The following C5AR1 variants were observed in gnomAD, a reference collection of about 807,000 sequenced individuals.
C5AR1 encodes the protein complement C5a receptor 1, also known as C5a anaphylatoxin chemotactic receptor 1.
In C5AR1, 4 loss-of-function variants were observed where a neutral mutation model predicts 2.4. That is an observed-to-expected ratio of 1.65 (90% CI 0.81 to 3.77). C5AR1 has a LOEUF of 3.77. Ranked by LOEUF, C5AR1 falls within the 30% of genes most tolerant of loss-of-function variation. The pLI is 0.01. For synonymous variants in C5AR1, 209 were observed against 210.4 expected (o/e 0.99, Z 0.06); for missense variants, 418 against 462.5 (o/e 0.90, Z 0.88).
At chr19:47,311,344 T>C in intron 1 of C5AR1, among the ~76,000 whole-genome samples, 1 of 151,892 alleles carries the variant, frequency 6.6e-6, no homozygotes, top group East Asian at 2.0e-4. Context: ...ACTCCGTCTC[T>C]ACCAAAACTA....
At chr19:47,316,585 T>C (rs970153427) in intron 1 of C5AR1, 7 of 151,996 alleles carry the variant, frequency 4.6e-5, no homozygotes, top group Admixed American at 3.9e-4. Flanking sequence ...GGATTACAGG[T>C]GCGCGCCAAC....
upstream of C5AR1, among the ~76,000 whole-genome samples, chr19:47,307,941 G>A (rs113750551): frequency 0.013 from 2,052 of 152,016 alleles, 46 homozygotes; most frequent in African/African-American, 0.047. Context: ...CAGGCCGGGC[G>A]CAGTGGCTCA....
At chr19:47,316,470 G>C (rs2059289004) in intron 1 of C5AR1, 1 of 148,120 alleles carries the variant, frequency 6.8e-6, no homozygotes, top group Admixed American at 6.7e-5. Context: ...TTGAGACAGA[G>C]TCTTGCTCAG....
intron 1 of C5AR1, among the ~76,000 whole-genome samples, chr19:47,312,168 C>G (rs918162993): frequency 6.6e-5 from 10 of 152,136 alleles, no homozygotes. Context: ...TCACTGTAAC[C>G]TCCACCTCCT....
Position 47,320,525 on chromosome 19 carries a change from A to G in C5AR1, c.748A>G (p.Ser250Gly). Reference sequence around the variant, plus strand: ...CAAGGTGGTGGTGGCAGTGGTGGCCAGTTTCTTTATCTTCTGGTTGCCCTA... The same window carrying G: ...CAAGGTGGTGGTGGCAGTGGTGGCCGGTTTCTTTATCTTCTGGTTGCCCTA... ...TLKVVVAVVA[S>G]FFIFWLPYQV... is the part of the protein sequence containing the mutation. The change falls in exon 2 of 2, where the codon AGT (serine) becomes GGT (glycine). Residue 250 changes from serine to glycine, a missense_variant. Ser to Gly is a moderately conservative substitution (Grantham distance 56). Transcript: ENST00000355085. The surrounding 1 kb of genome is among the most constrained non-coding windows in gnomAD (Gnocchi z 4.9). 1 of 1,613,834 alleles carries G rather than the reference A, an allele frequency of 6.2e-7. No individual in the cohort carries two copies. Among genetic ancestry groups the G allele is most frequent in the Non-Finnish European group, 8.5e-7 (1 of 1,179,954 alleles).
intron 1 of C5AR1, among the ~76,000 whole-genome samples, chr19:47,318,480 G>A (rs963025684): frequency 6.6e-6 from 1 of 151,908 alleles, no homozygotes; most frequent in Non-Finnish European, 1.5e-5. Flanking sequence ...TTTTAGTAGA[G>A]ACGGGGTTTC....
At position 47,320,393 on chromosome 19, in the gene C5AR1, C is replaced by T. The variant is rs201803187; in HGVS notation, c.616C>T (p.Arg206Trp). Residue 206 changes from arginine (R) to tryptophan (W), a missense_variant, in exon 2 of 2, where the codon CGG becomes TGG. Coordinates refer to ENST00000355085, the MANE Select transcript of C5AR1 (RefSeq NM_001736.4). This position sits in a 1 kb window ranked among gnomAD's most constrained non-coding sequence, Gnocchi z 4.9. ...GCGGGAGCGAGCCGTGGCCATCGTC[C>T]GGCTGGTCCTGGGCTTCCTGTGGCC... The part of the protein sequence containing the change: ...KRRERAVAIV[R>W]LVLGFLWPLL... The T allele has an allele frequency of 1.7e-5, 27 of 1,610,146 alleles. No homozygotes were observed. Among genetic ancestry groups the T allele is most frequent in the African/African-American group, 1.5e-4 (11 of 74,916 alleles).
At chr19:47,314,756 C>T (rs189660977) in intron 1 of C5AR1, among the ~76,000 whole-genome samples, 159 of 152,252 alleles carry the variant, frequency 1.0e-3, no homozygotes, top group African/African-American at 3.5e-3. Flanking sequence ...TGCAGTGGCA[C>T]GATCTCGGCT....
In C5AR1 at chr19:47,320,029, C is replaced by T; in HGVS notation, c.252C>T (p.Leu84=). Residue 84 remains leucine, a synonymous_variant, in exon 2 of 2, where the codon CTC becomes CTT. Coordinates refer to ENST00000355085, the MANE Select transcript of C5AR1 (RefSeq NM_001736.4). The surrounding 1 kb of genome is among the most constrained non-coding windows in gnomAD (Gnocchi z 4.9). ...TCAACTTGGCGGTAGCCGACTTCCT[C>T]TCCTGCCTGGCGCTGCCCATCTTGT... ...WFLNLAVADF[L]SCLALPILFT... 6.2e-7 allele frequency: 1 copy of T among 1,614,242 alleles called. No homozygotes were observed. Among genetic ancestry groups the T allele is most frequent in the Non-Finnish European group, 8.5e-7 (1 of 1,180,046 alleles).
rs1437329805 is a variant in C5AR1, at chr19:47,319,987, C to A, written c.210C>A (p.Ile70=). Residue 70 remains isoleucine, a synonymous_variant, in exon 2 of 2, where the codon ATC becomes ATA. Coordinates refer to ENST00000355085, the MANE Select transcript of C5AR1 (RefSeq NM_001736.4). ...WVTAFEAKRT[I]NAIWFLNLAV... ...CGGCATTCGAGGCCAAGCGGACCAT[C>A]AATGCCATCTGGTTCCTCAACTTGG... is the stretch of plus-strand genomic sequence containing the variant. The A allele has an allele frequency of 6.2e-7, 1 of 1,614,240 alleles. No homozygotes were observed. The highest frequency in any genetic ancestry group is 1.1e-5 in the South Asian group (1 of 91,090).
chr19:47,312,966 A>G (rs558519917), intron 1 of C5AR1, among the ~76,000 whole-genome samples: 2 of 151,902 alleles, frequency 1.3e-5, no homozygotes, highest in African/African-American at 4.8e-5. Flanking sequence ...GTTTGCTTCT[A>G]ATATTTGGTC....
chr19:47,308,705 A>ATG (rs1408365163), upstream of C5AR1, among the ~76,000 whole-genome samples: 1 of 150,302 alleles, frequency 6.7e-6, no homozygotes. Context: ...ACAGGCACCC[A>ATG]CCACCACGCC....
At chr19:47,319,076 G>A (rs1205575936) in intron 1 of C5AR1, among the ~76,000 whole-genome samples, 1 of 151,072 alleles carries the variant, frequency 6.6e-6, no homozygotes, top group East Asian at 2.0e-4. Context: ...AGTAGAGGCG[G>A]GGTTTCACTA....
intron 1 of C5AR1, among the ~76,000 whole-genome samples, chr19:47,310,298 G>T (rs1159783275): frequency 6.6e-6 from 1 of 152,082 alleles, no homozygotes; most frequent in Non-Finnish European, 1.5e-5. Flanking sequence ...ATTGCTTGAG[G>T]CCAGGAGTTC....
intron 1 of C5AR1, among the ~76,000 whole-genome samples, chr19:47,319,172 C>T (rs1483913690): frequency 1.3e-5 from 2 of 151,770 alleles, no homozygotes; most frequent in South Asian, 4.1e-4. Context: ...TGTGAGCCAC[C>T]GTGCCCGGCC....
chr19:47,320,665 C>T lies in C5AR1; in HGVS notation c.888C>T (p.Asn296=), dbSNP rs1218532617. 3 of 1,614,070 alleles carry T rather than the reference C, an allele frequency of 1.9e-6. No individual in the cohort carries two copies. The highest frequency in any genetic ancestry group is 1.3e-5 in the African/African-American group (1 of 74,926). The part of the protein sequence containing the change: ...VSFAYINCCI[N]PIIYVVAGQG... ...TTGCCTACATCAACTGCTGCATCAA[C>T]CCCATCATCTACGTGGTGGCCGGCC... Residue 296 remains asparagine, a synonymous_variant, in exon 2 of 2, where the codon AAC becomes AAT. Coordinates refer to ENST00000355085, the MANE Select transcript of C5AR1 (RefSeq NM_001736.4). This position sits in a 1 kb window ranked among gnomAD's most constrained non-coding sequence, Gnocchi z 4.9.
Position 47,320,774 on chromosome 19 carries a change from A to G in C5AR1, c.997A>G (p.Lys333Glu). Reference protein sequence around the residue: ...LTEESVVRESKSFTRSTVDTM... With the variant: ...LTEESVVRESESFTRSTVDTM... ...TGAAGAGTCCGTGGTTAGGGAGAGC[A>G]AGTCATTCACGCGCTCCACAGTGGA... Residue 333 changes from lysine (K) to glutamate (E), a missense_variant, in exon 2 of 2, where the codon AAG (lysine) becomes GAG (glutamate). Lys to Glu is a moderately conservative substitution (Grantham distance 56). Coordinates refer to ENST00000355085, the MANE Select transcript of C5AR1 (RefSeq NM_001736.4). The surrounding 1 kb of genome is among the most constrained non-coding windows in gnomAD (Gnocchi z 4.9). 6.2e-7 allele frequency: 1 copy of G among 1,614,106 alleles called. No homozygotes were observed. The highest frequency in any genetic ancestry group is 1.1e-5 in the South Asian group (1 of 91,074).
At chr19:47,318,299 C>CT (rs527428633) in intron 1 of C5AR1, among the ~76,000 whole-genome samples, 262 of 143,754 alleles carry the variant, frequency 1.8e-3, no homozygotes, top group African/African-American at 4.5e-3. Flanking sequence ...TTTTTTCTTT[C>CT]TTTTTTTTTT....
chr19:47,311,193 CAAAGTACCAAATG>C (rs2059269096), intron 1 of C5AR1, among the ~76,000 whole-genome samples: 1 of 151,622 alleles, frequency 6.6e-6, no homozygotes. Context: ...AAACATTTTC[CAAAGTACCAAATG>C]ATACTTGGTA....
Sources: allele counts gnomAD v4.1 joint callset (sites outside exome capture counted in the v4.1 genomes callset), GRCh38; gene constraint gnomAD v4.1.1; non-coding constraint Gnocchi (gnomAD v3.1); transcripts MANE v1.5; gene names NCBI Gene and HGNC (gene_info 2026-07-23, HGNC 2026-07-21).